The following TXNDC11 variants were observed in gnomAD, a reference collection of about 807,000 sequenced individuals.
The protein encoded by TXNDC11 is thioredoxin domain containing 11.
Under a neutral mutation model 78.0 loss-of-function variants are expected in TXNDC11, and 68 were observed. That is an observed-to-expected ratio of 0.87 (90% CI 0.72 to 1.07). The LOEUF (loss-of-function observed/expected upper bound fraction) is 1.07. Among genes scored for constraint, TXNDC11 ranks in the 50% least tolerant of loss-of-function variants. The probability of loss-of-function intolerance (pLI) is 0.00; values close to 1 mark genes in which losing one functional copy is unlikely to be tolerated. For missense variants in TXNDC11, 1,389 were observed against 1,221.8 expected (o/e 1.14, Z -2.04); for synonymous variants, 571 against 495.2 (o/e 1.15, Z -2.03).
intron 7 of TXNDC11, among the ~76,000 whole-genome samples, chr16:11,694,097 C>CTTTTTTTT (rs535913245): frequency 8.2e-5 from 7 of 85,692 alleles, no homozygotes; most frequent in African/African-American, 2.9e-4. Flanking sequence ...TACAGCAATG[C>CTTTTTTTT]TTTTTTTTTT....
intron 11 of TXNDC11, among the ~76,000 whole-genome samples, chr16:11,681,125 T>A (rs773669074): frequency 6.6e-6 from 1 of 152,182 alleles, no homozygotes; most frequent in Non-Finnish European, 1.5e-5. Flanking sequence ...TGAGCCGTAA[T>A]TGCACCACTG....
At chr16:11,731,075 C>T (rs574178880) in intron 3 of TXNDC11, among the ~76,000 whole-genome samples, 18 of 152,260 alleles carry the variant, frequency 1.2e-4, no homozygotes, top group Non-Finnish European at 2.4e-4. Flanking sequence ...AAATTAATTC[C>T]CACAGTAGTT....
intron 2 of TXNDC11, among the ~76,000 whole-genome samples, chr16:11,734,766 C>A (rs1187411797): frequency 1.3e-5 from 2 of 152,198 alleles, no homozygotes; most frequent in African/African-American, 2.4e-5. Flanking sequence ...CTAAGAAAAA[C>A]CAAATGACAG....
Position 11,691,892 on chromosome 16 carries a change from T to G in TXNDC11, c.1298A>C (p.His433Pro), listed in dbSNP as rs537130027. The G allele has an allele frequency of 6.2e-7, 1 of 1,613,974 alleles. No individual in the cohort carries two copies. The highest frequency in any genetic ancestry group is 2.2e-5 in the East Asian group (1 of 44,880). The change falls in exon 8 of 12, where the codon CAC (histidine) becomes CCC (proline). Residue 433 changes from histidine (H) to proline (P), a missense_variant. His to Pro is a moderately conservative substitution (Grantham distance 77). Coordinates refer to ENST00000283033, the MANE Select transcript of TXNDC11 (RefSeq NM_015914.7). ...GACGTTGTGGGTCCTGGAGAAGGAG[T>G]GCCACTGGGGCAGCACCACAGTGTT... ...CCNTVVLPQW[H>P]SFSRTHNVCE...
intron 7 of TXNDC11, among the ~76,000 whole-genome samples, chr16:11,695,659 G>A (rs954882044): frequency 1.3e-5 from 2 of 151,972 alleles, no homozygotes; most frequent in Non-Finnish European, 2.9e-5. Flanking sequence ...TTACTACTTC[G>A]CAGTTTTCTG....
At chr16:11,723,150 C>T (rs762876449) in intron 4 of TXNDC11, among the ~76,000 whole-genome samples, 6 of 151,332 alleles carry the variant, frequency 4.0e-5, no homozygotes, top group African/African-American at 9.7e-5. Context: ...CCCAAATACT[C>T]GGAAAGCTGA....
intron 7 of TXNDC11, among the ~76,000 whole-genome samples, 173 bp downstream of exon 7, chr16:11,697,952 C>A (rs1041264758): frequency 6.6e-6 from 1 of 152,238 alleles, no homozygotes; most frequent in Non-Finnish European, 1.5e-5. Context: ...CTGTCCTAGA[C>A]ACGGGCTCTC....
At chr16:11,699,865 T>C (rs1240504011) in intron 6 of TXNDC11, among the ~76,000 whole-genome samples, 5 of 152,212 alleles carry the variant, frequency 3.3e-5, no homozygotes, top group African/African-American at 1.2e-4. Flanking sequence ...AGTAGACGCA[T>C]AGGACTGAGC....
chr16:11,715,780 T>C (rs1024291087), intron 5 of TXNDC11, among the ~76,000 whole-genome samples: 9 of 151,940 alleles, frequency 5.9e-5, no homozygotes, highest in Admixed American at 2.0e-4. Flanking sequence ...GCGTTACAAA[T>C]AGAAGCAGGT....
In TXNDC11 at chr16:11,697,776, C is replaced by A. The variant is rs146337121; in HGVS notation, c.1107+349G>T. Among the ~76,000 whole-genome samples, 980 of 152,308 alleles carry A rather than the reference C, an allele frequency of 6.4e-3. 8 individuals are homozygous for A. The highest frequency in any genetic ancestry group is 7.6e-3 in the Non-Finnish European group (517 of 68,010). On this transcript the variant is annotated intron_variant, in intron 7 of 11. Coordinates refer to ENST00000283033, the MANE Select transcript of TXNDC11 (RefSeq NM_015914.7). Reference sequence around the variant, plus strand: ...ACACTAAACTCGGCCTGTGTTCCTGCCACTCCCTGTTTCACCCCCTAAACA... The same window carrying A: ...ACACTAAACTCGGCCTGTGTTCCTGACACTCCCTGTTTCACCCCCTAAACA...
Position 11,679,405 on chromosome 16 carries a change from G to A in TXNDC11, c.2667C>T (p.Thr889=), listed in dbSNP as rs8191350. ...ELADASENLL[T]ENTWLKILVA... ...CCAGGATCTTGAGCCACGTGTTCTC[G>A]GTAAGGAGGTTTTCTGAGGCATCGG... is the stretch of plus-strand genomic sequence containing the variant. The change falls in exon 12 of 12, where the codon ACC becomes ACT. Residue 889 remains threonine, a synonymous_variant. Transcript: ENST00000283033. The surrounding 1 kb of genome is among the most constrained non-coding windows in gnomAD (Gnocchi z 4.6). 1.7e-5 allele frequency: 27 copies of A among 1,612,692 alleles called. No individual in the cohort carries two copies. Among genetic ancestry groups the A allele is most frequent in the African/African-American group, 2.7e-5 (2 of 74,808 alleles).
At chr16:11,738,234 C>G (rs549435206) in intron 1 of TXNDC11, among the ~76,000 whole-genome samples, 1 of 152,308 alleles carries the variant, frequency 6.6e-6, no homozygotes, top group East Asian at 1.9e-4. Flanking sequence ...CCAGAACAGG[C>G]AGAAGTATCC....
intron 10 of TXNDC11, among the ~76,000 whole-genome samples, chr16:11,684,745 C>T (rs1277998161): frequency 6.6e-6 from 1 of 152,112 alleles, no homozygotes; most frequent in Non-Finnish European, 1.5e-5. Context: ...ACTAACTCAC[C>T]CAGCCTGTGC....
At position 11,691,275 on chromosome 16, in the gene TXNDC11, A is replaced by C. The variant is rs2050705708; in HGVS notation, c.1900+15T>G. 1.9e-6 allele frequency: 3 copies of C among 1,591,586 alleles called. No individual in the cohort carries two copies. The African/African-American group carries it at 4.1e-5, about 22-fold the overall frequency. ...AAAATGTACAATGCTTGGGGAAATA[A>C]ACTGCCTGCAGTACCTAGGGTGAGC... On this transcript the variant is annotated intron_variant, in intron 8 of 11. Coordinates refer to ENST00000283033, the MANE Select transcript of TXNDC11 (RefSeq NM_015914.7).
chr16:11,686,075 C>T lies in TXNDC11; in HGVS notation c.2153+1782G>A, dbSNP rs535781450. Among the ~76,000 whole-genome samples, 14 of 152,312 alleles carry T rather than the reference C, an allele frequency of 9.2e-5. No individual in the cohort carries two copies. In the South Asian group the frequency reaches 2.9e-3, roughly 32 times the overall value. ...CTGGATTCAAGTGATTCTCCTGCCT[C>T]AGCCTCCTGAGTAGTTGGGACTACA... is the stretch of plus-strand genomic sequence containing the variant. On this transcript the variant is annotated intron_variant, in intron 10 of 11. Coordinates refer to ENST00000283033, the MANE Select transcript of TXNDC11 (RefSeq NM_015914.7).
intron 5 of TXNDC11, among the ~76,000 whole-genome samples, chr16:11,714,500 C>T (rs867705346): frequency 6.6e-6 from 1 of 152,084 alleles, no homozygotes; most frequent in Non-Finnish European, 1.5e-5. Context: ...ATTAGCCGGG[C>T]GTGGTGGCGG....
chr16:11,685,546 G>C (rs906810195), intron 10 of TXNDC11, among the ~76,000 whole-genome samples: 10 of 151,578 alleles, frequency 6.6e-5, no homozygotes, highest in Admixed American at 2.0e-4. Context: ...CTACTCGGGA[G>C]GCTGAGGCAG....
At chr16:11,735,563 T>C (rs1004307283) in intron 2 of TXNDC11, among the ~76,000 whole-genome samples, 10 of 152,242 alleles carry the variant, frequency 6.6e-5, no homozygotes, top group African/African-American at 2.2e-4. Context: ...CCTATATATC[T>C]TTCTTACCTA....
At chr16:11,738,537 G>T (rs2052294681) in intron 1 of TXNDC11, among the ~76,000 whole-genome samples, 1 of 152,116 alleles carries the variant, frequency 6.6e-6, no homozygotes, top group East Asian at 1.9e-4. Flanking sequence ...ATTTAACAAG[G>T]TGATGTACAG....
Sources: gnomAD v4.1 joint callset for allele counts (sites outside exome capture counted in the v4.1 genomes callset) on GRCh38, gnomAD v4.1.1 for gene constraint, Gnocchi (gnomAD v3.1) non-coding constraint, MANE v1.5 for transcripts, NCBI Gene and HGNC (gene_info 2026-07-23, HGNC 2026-07-21) for gene names.